KCNH7: variants seen among roughly 807,000 people sequenced by gnomAD.
KCNH7 encodes the protein potassium voltage-gated channel subfamily H member 7, also known as voltage-gated inwardly rectifying potassium channel KCNH7.
A neutral mutation model predicts 120.8 loss-of-function variants in KCNH7; 49 were observed. The observed-to-expected ratio is 0.41, with a 90% CI of 0.32 to 0.51. The LOEUF is 0.51. KCNH7 is among the 20% of genes least tolerant of loss of function. The probability of loss-of-function intolerance (pLI) is 0.38; values close to 1 mark genes in which losing one functional copy is unlikely to be tolerated. For synonymous variants in KCNH7, 547 were observed against 516.1 expected, an observed-to-expected ratio of 1.06 and a Z score of -0.81; for missense variants, 1,097 against 1,446.6, an observed-to-expected ratio of 0.76 and a Z score of 3.92.
intron 2 of KCNH7, among the ~76,000 whole-genome samples, chr2:162,578,440 T>G (rs1481755403): frequency 6.6e-6 from 1 of 151,994 alleles, no homozygotes; most frequent in Non-Finnish European, 1.5e-5. Flanking sequence ...GTGACACATC[T>G]AAAGCATGAC....
intron 2 of KCNH7, among the ~76,000 whole-genome samples, chr2:162,770,462 C>A (rs951928306): frequency 2.6e-5 from 4 of 151,832 alleles, no homozygotes; most frequent in African/African-American, 7.3e-5. Context: ...CACAAGTGTT[C>A]CAATATCTCT....
chr2:162,397,824 C>G (rs10180816), intron 10 of KCNH7, among the ~76,000 whole-genome samples: 3,683 of 151,904 alleles, frequency 0.024, 137 homozygotes, highest in African/African-American at 0.084. Context: ...TTTATGAATA[C>G]AGAAAGAGCA....
chr2:162,672,088 C>G (rs1021638817), intron 2 of KCNH7, among the ~76,000 whole-genome samples: 2 of 151,964 alleles, frequency 1.3e-5, no homozygotes, highest in East Asian at 3.9e-4. Context: ...AAAAATTGAT[C>G]AATTCATTAT....
chr2:162,488,823 C>T (rs1690194466), intron 6 of KCNH7, among the ~76,000 whole-genome samples: 1 of 152,210 alleles, frequency 6.6e-6, no homozygotes, highest in Admixed American at 6.5e-5. Context: ...CTTCCCAGTG[C>T]CAGGGCTCCG....
At chr2:162,594,102 C>G (rs1260371398) in intron 2 of KCNH7, among the ~76,000 whole-genome samples, 2 of 151,868 alleles carry the variant, frequency 1.3e-5, no homozygotes, top group South Asian at 4.2e-4. Flanking sequence ...TTAGACCTTC[C>G]AAATTAAACT....
intron 2 of KCNH7, among the ~76,000 whole-genome samples, chr2:162,753,032 C>CGAAACGAAACGAAACGAAA (rs1688657434): frequency 6.5e-5 from 1 of 15,372 alleles, no homozygotes; most frequent in South Asian, 7.5e-3. Context: ...AGAAAAGAAA[C>CGAAACGAAACGAAACGAAA]CCTGACTAAT....
intron 2 of KCNH7, among the ~76,000 whole-genome samples, chr2:162,768,015 A>G (rs1234462417): frequency 1.3e-5 from 2 of 152,226 alleles, no homozygotes; most frequent in African/African-American, 4.8e-5. Flanking sequence ...ATCACAAGCA[A>G]AGAAAATATT....
At chr2:162,452,343 GA>G (rs1176654396) in intron 6 of KCNH7, among the ~76,000 whole-genome samples, 3 of 151,888 alleles carry the variant, frequency 2.0e-5, no homozygotes, top group African/African-American at 4.8e-5. Context: ...TTTCCTGATT[GA>G]AAAAAAGAAA....
intron 5 of KCNH7, 22 bp from the exon 6 acceptor site, chr2:162,504,679 G>A (rs1337662872): frequency 3.4e-6 from 5 of 1,451,544 alleles, no homozygotes; most frequent in Non-Finnish European, 4.8e-6. Flanking sequence ...GAAAGTATTT[G>A]TAAGAGTAAT....
intron 2 of KCNH7, among the ~76,000 whole-genome samples, chr2:162,813,494 T>A (rs1387762522): frequency 6.6e-6 from 1 of 152,166 alleles, no homozygotes; most frequent in Non-Finnish European, 1.5e-5. Context: ...TTCTAAAATC[T>A]TTGGGTTAGC....
At chr2:162,569,123 C>A (rs1312660078) in intron 2 of KCNH7, among the ~76,000 whole-genome samples, 2 of 152,000 alleles carry the variant, frequency 1.3e-5, no homozygotes, top group Non-Finnish European at 2.9e-5. Flanking sequence ...CCTCCTTGCA[C>A]CTCTGGTAGA....
intron 2 of KCNH7, among the ~76,000 whole-genome samples, chr2:162,793,759 G>A (rs1017099599): frequency 2.0e-5 from 3 of 151,938 alleles, no homozygotes; most frequent in African/African-American, 7.2e-5. Flanking sequence ...TGGTCAAATG[G>A]TAGAAAGTTT....
chr2:162,501,720 G>T (rs1025075860), intron 6 of KCNH7, among the ~76,000 whole-genome samples: 1 of 151,740 alleles, frequency 6.6e-6, no homozygotes, highest in Admixed American at 6.6e-5. Flanking sequence ...AGCTCTCTGG[G>T]GCCTCTTTTA....
intron 2 of KCNH7, among the ~76,000 whole-genome samples, chr2:162,729,417 TTC>T (rs778941055): frequency 3.8e-4 from 57 of 150,100 alleles, no homozygotes; most frequent in Admixed American, 2.2e-3. Context: ...TTTTCTTTTT[TTC>T]TTTTTCCATA....
intron 2 of KCNH7, chr2:162,784,854 T>C (rs1683639985): frequency 6.6e-6 from 1 of 152,242 alleles, no homozygotes; most frequent in Non-Finnish European, 1.5e-5. Flanking sequence ...TCAGCAAATA[T>C]TTAATGGTAA....
At chr2:162,827,092 C>T (rs890312720) in intron 2 of KCNH7, among the ~76,000 whole-genome samples, 3 of 152,040 alleles carry the variant, frequency 2.0e-5, no homozygotes, top group Non-Finnish European at 4.4e-5. Context: ...AGATAGTAGG[C>T]TGTGTAACAG....
At chr2:162,386,217 T>C (rs1686566316) in intron 12 of KCNH7, among the ~76,000 whole-genome samples, 2 of 151,868 alleles carry the variant, frequency 1.3e-5, no homozygotes, top group Non-Finnish European at 2.9e-5. Context: ...ATCTAATTGG[T>C]TGTAAATATT....
intron 2 of KCNH7, among the ~76,000 whole-genome samples, chr2:162,724,721 C>T (rs898869482): frequency 6.6e-6 from 1 of 151,954 alleles, no homozygotes; most frequent in Non-Finnish European, 1.5e-5. Flanking sequence ...AATGTGATCT[C>T]TCTCTTCCTC....
At chr2:162,695,077 A>G (rs915290998) in intron 2 of KCNH7, among the ~76,000 whole-genome samples, 4 of 152,104 alleles carry the variant, frequency 2.6e-5, no homozygotes, top group Non-Finnish European at 2.9e-5. Context: ...AGAAACCTGT[A>G]CTTTTTAAAG....
Sources: gnomAD v4.1 joint callset for allele counts (sites outside exome capture counted in the v4.1 genomes callset) on GRCh38, gnomAD v4.1.1 for gene constraint, MANE v1.5 for transcripts, NCBI Gene and HGNC (gene_info 2026-07-23, HGNC 2026-07-21) for gene names.